The following CNTNAP2 variants were observed in gnomAD, a reference collection of about 807,000 sequenced individuals.
The protein encoded by CNTNAP2 is contactin associated protein 2, also known as contactin-associated protein-like 2.
CNTNAP2 carries 98 observed loss-of-function variants against 155.2 expected under a neutral mutation model. The ratio of observed to expected loss-of-function variants is 0.63; its 90% CI spans 0.54 to 0.75. CNTNAP2 has a LOEUF of 0.75. Among genes scored for constraint, CNTNAP2 ranks in the 30% least tolerant of loss-of-function variants. The pLI, the probability that CNTNAP2 is intolerant of heterozygous loss-of-function variation, is 0.00. For missense variants in CNTNAP2, 1,727 were observed against 1,688.1 expected, an observed-to-expected ratio of 1.02 and a Z score of -0.40; for synonymous variants, 651 against 631.2, an observed-to-expected ratio of 1.03 and a Z score of -0.47.
intron 13 of CNTNAP2, among the ~76,000 whole-genome samples, chr7:147,648,114 G>T (rs1257592901): frequency 6.6e-6 from 1 of 152,300 alleles, no homozygotes; most frequent in East Asian, 1.9e-4. Context: ...CAAAGCAAGA[G>T]TAGGGGTTTA....
chr7:146,759,681 CAAA>C (rs376817827), intron 1 of CNTNAP2, among the ~76,000 whole-genome samples: 53 of 54,612 alleles, frequency 9.7e-4, no homozygotes, highest in South Asian at 2.5e-3. Context: ...GTGAGACTGT[CAAA>C]AAAAAAAAAA....
intron 1 of CNTNAP2, among the ~76,000 whole-genome samples, chr7:146,624,910 T>C (rs922971041): frequency 3.3e-5 from 5 of 151,936 alleles, no homozygotes; most frequent in Non-Finnish European, 5.9e-5. Flanking sequence ...AACAAAATAG[T>C]GATATTTTTA....
chr7:146,429,520 C>T (rs1028186483), intron 1 of CNTNAP2, among the ~76,000 whole-genome samples: 3 of 151,988 alleles, frequency 2.0e-5, no homozygotes, highest in Non-Finnish European at 4.4e-5. Context: ...TAATTCTGCT[C>T]TCTAGTTTCC....
At chr7:147,536,078 C>T (rs990131997) in intron 11 of CNTNAP2, among the ~76,000 whole-genome samples, 1 of 152,120 alleles carries the variant, frequency 6.6e-6, no homozygotes, top group African/African-American at 2.4e-5. Flanking sequence ...CATGACTCAC[C>T]GTGGCAGGAA....
intron 3 of CNTNAP2, among the ~76,000 whole-genome samples, chr7:146,957,222 T>A (rs918394001): frequency 1.3e-5 from 2 of 152,194 alleles, no homozygotes; most frequent in Non-Finnish European, 2.9e-5. Flanking sequence ...TGTGGGTAAA[T>A]GTAACACAAT....
intron 13 of CNTNAP2, among the ~76,000 whole-genome samples, chr7:147,734,900 T>G (rs540384784): frequency 2.0e-5 from 3 of 152,298 alleles, no homozygotes; most frequent in Admixed American, 2.0e-4. Context: ...ATTTGATTCT[T>G]CTCTCTTTTC....
intron 3 of CNTNAP2, among the ~76,000 whole-genome samples, chr7:146,858,703 A>C (rs1795039808): frequency 6.6e-6 from 1 of 152,172 alleles, no homozygotes; most frequent in African/African-American, 2.4e-5. Flanking sequence ...TCAAAAAATT[A>C]ATCAATTAAT....
chr7:147,838,179 G>A (rs1364722111), intron 13 of CNTNAP2, among the ~76,000 whole-genome samples: 3 of 152,262 alleles, frequency 2.0e-5, no homozygotes, highest in Admixed American at 2.0e-4. Flanking sequence ...CTGGGATGCA[G>A]GACACCAATT....
At chr7:146,804,046 C>T (rs866403146) in intron 2 of CNTNAP2, among the ~76,000 whole-genome samples, 24 of 152,224 alleles carry the variant, frequency 1.6e-4, no homozygotes, top group Admixed American at 7.2e-4. Flanking sequence ...GTTCAGTTTT[C>T]CCCGAGATAA....
At chr7:147,629,850 T>TATA (rs1304535436) in intron 12 of CNTNAP2, among the ~76,000 whole-genome samples, 1 of 152,010 alleles carries the variant, frequency 6.6e-6, no homozygotes, top group African/African-American at 2.4e-5. Flanking sequence ...ATTCATAGCA[T>TATA]TAAATGCCCT....
intron 1 of CNTNAP2, among the ~76,000 whole-genome samples, chr7:146,740,190 G>C (rs901350219): frequency 1.3e-5 from 2 of 150,012 alleles, no homozygotes; most frequent in African/African-American, 2.4e-5. Flanking sequence ...TAACCTGTCT[G>C]TAAGTTCACA....
chr7:146,303,955 A>G (rs191825621), intron 1 of CNTNAP2, among the ~76,000 whole-genome samples: 20 of 152,132 alleles, frequency 1.3e-4, no homozygotes, highest in African/African-American at 4.1e-4. Context: ...GTGCTCCTAT[A>G]TTGGGTGCAT....
At chr7:146,314,631 T>C (rs576669852) in intron 1 of CNTNAP2, among the ~76,000 whole-genome samples, 1 of 152,114 alleles carries the variant, frequency 6.6e-6, no homozygotes, top group African/African-American at 2.4e-5. Flanking sequence ...TGGAGTTCTG[T>C]CAACTCCCAG....
At chr7:146,536,923 A>G (rs1797878199) in intron 1 of CNTNAP2, among the ~76,000 whole-genome samples, 1 of 152,146 alleles carries the variant, frequency 6.6e-6, no homozygotes, top group Non-Finnish European at 1.5e-5. Flanking sequence ...AAATAATTAT[A>G]CTAGAACTTA....
At chr7:146,689,871 C>T (rs1197822937) in intron 1 of CNTNAP2, among the ~76,000 whole-genome samples, 3 of 151,982 alleles carry the variant, frequency 2.0e-5, no homozygotes, top group Admixed American at 2.0e-4. Flanking sequence ...AGAGAGCAAA[C>T]AGGATGGATA....
intron 1 of CNTNAP2, among the ~76,000 whole-genome samples, chr7:146,420,553 G>C (rs1480404095): frequency 6.6e-6 from 1 of 152,002 alleles, no homozygotes; most frequent in Non-Finnish European, 1.5e-5. Flanking sequence ...AATAAACTAG[G>C]TATGGCAGTA....
At chr7:146,620,452 A>G (rs565790416) in intron 1 of CNTNAP2, among the ~76,000 whole-genome samples, 2 of 152,188 alleles carry the variant, frequency 1.3e-5, no homozygotes, top group East Asian at 1.9e-4. Context: ...ATCCCAAAGC[A>G]TTTCTTTAAC....
intron 11 of CNTNAP2, among the ~76,000 whole-genome samples, chr7:147,494,906 G>T (rs1798676179): frequency 6.6e-6 from 1 of 152,094 alleles, no homozygotes; most frequent in South Asian, 2.1e-4. Context: ...TAGTTAATAA[G>T]TTTCTATGAC....
At chr7:148,062,368 C>T (rs948309782) in intron 15 of CNTNAP2, among the ~76,000 whole-genome samples, 3 of 151,946 alleles carry the variant, frequency 2.0e-5, no homozygotes, top group Non-Finnish European at 2.9e-5. Context: ...AACTTGAATT[C>T]GCAAAATACT....
Sources: gnomAD v4.1 joint callset for allele counts (sites outside exome capture counted in the v4.1 genomes callset) on GRCh38, gnomAD v4.1.1 for gene constraint, MANE v1.5 for transcripts, NCBI Gene and HGNC (gene_info 2026-07-23, HGNC 2026-07-21) for gene names.